Variants in CFAP210 observed in about 807,000 individuals in gnomAD.
The protein encoded by CFAP210 is cilia and flagella associated protein 210, also known as cilia- and flagella- associated protein 210.
the CFAP210 span, among the ~76,000 whole-genome samples, chr2:169,694,004 C>G: frequency 3.9e-5 from 6 of 152,136 alleles, no homozygotes; most frequent in African/African-American, 1.4e-4. Context: ...CTCTGATTTC[C>G]TATCTTTTCT....
the CFAP210 span, among the ~76,000 whole-genome samples, chr2:169,684,203 G>A: frequency 1.3e-5 from 2 of 152,148 alleles, no homozygotes; most frequent in Non-Finnish European, 2.9e-5. Flanking sequence ...AGGCAGACTC[G>A]CAAGCAGGAG....
the CFAP210 span, among the ~76,000 whole-genome samples, chr2:169,657,961 A>C: frequency 2.6e-5 from 4 of 152,100 alleles, no homozygotes; most frequent in African/African-American, 9.7e-5. Flanking sequence ...AAAAATAATA[A>C]AATAAATAAA....
At chr2:169,665,776 G>A in the CFAP210 span, among the ~76,000 whole-genome samples, 2 of 152,166 alleles carry the variant, frequency 1.3e-5, no homozygotes, top group Admixed American at 1.3e-4. Context: ...GTTGAGTACA[G>A]GAAGATTGTG....
chr2:169,666,564 G>C, the CFAP210 span, among the ~76,000 whole-genome samples: 1 of 151,692 alleles, frequency 6.6e-6, no homozygotes, highest in Admixed American at 6.6e-5. Context: ...CTTCTTGAGT[G>C]AGCCATGTCA....
chr2:169,649,291 A>G, the CFAP210 span: 1 of 1,613,686 alleles, frequency 6.2e-7, no homozygotes, highest in East Asian at 2.2e-5. Flanking sequence ...GACAGCCAGC[A>G]ATTGTTCTTT....
At chr2:169,666,374 G>A in the CFAP210 span, among the ~76,000 whole-genome samples, 31 of 151,292 alleles carry the variant, frequency 2.0e-4, no homozygotes, top group African/African-American at 7.5e-4. Context: ...TAAAGTACAG[G>A]CATACCTCAG....
chr2:169,648,516 T>C, the CFAP210 span, among the ~76,000 whole-genome samples: 1 of 152,084 alleles, frequency 6.6e-6, no homozygotes, highest in African/African-American at 2.4e-5. Flanking sequence ...AACAACCCAA[T>C]TAAAAATTGG....
the CFAP210 span, among the ~76,000 whole-genome samples, chr2:169,666,564 G>A: frequency 6.6e-6 from 1 of 151,692 alleles, no homozygotes; most frequent in East Asian, 2.0e-4. Flanking sequence ...CTTCTTGAGT[G>A]AGCCATGTCA....
the CFAP210 span, among the ~76,000 whole-genome samples, chr2:169,664,892 T>A: frequency 2.6e-5 from 4 of 152,362 alleles, no homozygotes; most frequent in East Asian, 5.8e-4. Flanking sequence ...CTTATATAGA[T>A]GTTGTATAGT....
chr2:169,665,217 GAAGTCAGTAGTCAAACATCCA>G, the CFAP210 span, among the ~76,000 whole-genome samples: 3 of 152,162 alleles, frequency 2.0e-5, no homozygotes, highest in Non-Finnish European at 2.9e-5. Flanking sequence ...GCCTAAAAAA[GAAGTCAGTAGTCAAACATCCA>G]AACTGAGTTC....
the CFAP210 span, among the ~76,000 whole-genome samples, chr2:169,671,898 A>C: frequency 6.6e-6 from 1 of 152,260 alleles, no homozygotes; most frequent in Non-Finnish European, 1.5e-5. Context: ...TAATGAATGA[A>C]TAAATAGCCT....
chr2:169,682,807 A>T, the CFAP210 span, among the ~76,000 whole-genome samples: 1 of 152,184 alleles, frequency 6.6e-6, no homozygotes, highest in Non-Finnish European at 1.5e-5. Context: ...TGAACATACC[A>T]TATATTAACT....
chr2:169,676,598 C>T, the CFAP210 span, among the ~76,000 whole-genome samples: 1 of 152,098 alleles, frequency 6.6e-6, no homozygotes, highest in Admixed American at 6.6e-5. Flanking sequence ...TTTTCTCTCC[C>T]TATAGTTTTG....
At chr2:169,661,005 T>A in the CFAP210 span, 1 of 483,078 alleles carries the variant, frequency 2.1e-6, no homozygotes, top group Non-Finnish European at 4.1e-6. Context: ...CAAACCAGAG[T>A]GTGAAATGAA....
At chr2:169,677,205 G>A in the CFAP210 span, among the ~76,000 whole-genome samples, 3 of 152,092 alleles carry the variant, frequency 2.0e-5, no homozygotes, top group Admixed American at 6.5e-5. Flanking sequence ...GGCTTTCTGC[G>A]CAACCCTGCG....
At chr2:169,658,744 TG>T in the CFAP210 span, 1 of 322,958 alleles carries the variant, frequency 3.1e-6, no homozygotes, top group Non-Finnish European at 6.1e-6. Flanking sequence ...TTAATTTGCT[TG>T]GAGTTAGTCT....
chr2:169,689,201 T>G, the CFAP210 span, among the ~76,000 whole-genome samples: 1 of 152,190 alleles, frequency 6.6e-6, no homozygotes, highest in Non-Finnish European at 1.5e-5. Context: ...ATGGGAATTT[T>G]GGGAGATACA....
chr2:169,692,444 GCACACACACACACACACA>G, the CFAP210 span, among the ~76,000 whole-genome samples: 1 of 143,668 alleles, frequency 7.0e-6, no homozygotes, highest in Non-Finnish European at 1.5e-5. Flanking sequence ...ACAGGCGCAC[GCACACACACACACACACA>G]CACACACACA....
the CFAP210 span, among the ~76,000 whole-genome samples, chr2:169,677,361 GA>G: frequency 6.6e-6 from 1 of 152,120 alleles, no homozygotes; most frequent in Non-Finnish European, 1.5e-5. Flanking sequence ...AATACATTAA[GA>G]CCAATGGGGT....
Sources: allele counts gnomAD v4.1 joint callset (sites outside exome capture counted in the v4.1 genomes callset), GRCh38; gene constraint gnomAD v4.1.1; transcripts MANE v1.5; gene names NCBI Gene and HGNC (gene_info 2026-07-23, HGNC 2026-07-21).